The following MAST4 variants were observed in gnomAD, a reference collection of about 807,000 sequenced individuals.
MAST4 encodes the protein microtubule associated serine/threonine kinase family member 4, also known as microtubule-associated serine/threonine-protein kinase 4.
MAST4 carries 89 observed loss-of-function variants against 162.7 expected under a neutral mutation model. That is an observed-to-expected ratio of 0.55 (90% CI 0.46 to 0.65). The LOEUF is 0.65. Ranked by LOEUF, MAST4 falls within the 30% of genes least tolerant of loss-of-function variation. The pLI is 0.00. For synonymous variants in MAST4, 1,479 were observed against 1,361.1 expected (o/e 1.09, Z -1.91); for missense variants, 3,153 against 3,374.0 (o/e 0.93, Z 1.62).
intron 1 of MAST4, among the ~76,000 whole-genome samples, chr5:66,739,015 C>CT (rs899333704): frequency 9.9e-5 from 15 of 150,958 alleles, no homozygotes; most frequent in South Asian, 4.2e-4. Flanking sequence ...TCCTATAGAT[C>CT]TTTTTTTTTG....
chr5:66,878,149 A>C (rs1761430787), intron 3 of MAST4, among the ~76,000 whole-genome samples: 2 of 152,204 alleles, frequency 1.3e-5, no homozygotes, highest in Non-Finnish European at 2.9e-5. Flanking sequence ...ACCTATCATG[A>C]TTGGATCATA....
chr5:66,783,951 G>A (rs1754993525), intron 2 of MAST4, among the ~76,000 whole-genome samples: 1 of 151,994 alleles, frequency 6.6e-6, no homozygotes, highest in South Asian at 2.1e-4. Flanking sequence ...ATTGAGCCAG[G>A]GTCCTAGCTT....
intron 2 of MAST4, among the ~76,000 whole-genome samples, chr5:66,769,197 G>C (rs1446827195): frequency 6.6e-6 from 1 of 152,206 alleles, no homozygotes; most frequent in Non-Finnish European, 1.5e-5. Context: ...AGAAAACAGA[G>C]AGAGGCCTGG....
At chr5:66,916,943 T>G (rs1377915886) in intron 4 of MAST4, 2 of 716,050 alleles carry the variant, frequency 2.8e-6, no homozygotes, top group East Asian at 5.4e-5. Context: ...ACAATTTTTT[T>G]ACCTATATCC....
chr5:66,614,797 C>T (rs1262089168), intron 1 of MAST4, among the ~76,000 whole-genome samples: 1 of 152,160 alleles, frequency 6.6e-6, no homozygotes, highest in Non-Finnish European at 1.5e-5. Flanking sequence ...TCACGGGACA[C>T]ATGCAGGGAG....
chr5:66,712,004 A>AT (rs1177396056), intron 1 of MAST4, among the ~76,000 whole-genome samples: 4 of 152,052 alleles, frequency 2.6e-5, no homozygotes, highest in Non-Finnish European at 5.9e-5. Context: ...TAGGGGGGCC[A>AT]TTTTTCAGAT....
intron 3 of MAST4, among the ~76,000 whole-genome samples, chr5:66,860,615 T>C (rs1412619798): frequency 6.6e-6 from 1 of 151,664 alleles, no homozygotes; most frequent in Non-Finnish European, 1.5e-5. Context: ...TTTCGTTTTT[T>C]TTTTCTGGAG....
chr5:66,730,757 G>GTC (rs1751795447), intron 1 of MAST4, among the ~76,000 whole-genome samples: 2 of 118,494 alleles, frequency 1.7e-5, no homozygotes, highest in South Asian at 6.0e-4. Context: ...TACTCTGTGT[G>GTC]TGTGTGTGTG....
At chr5:66,653,492 G>C (rs1197311475) in intron 1 of MAST4, among the ~76,000 whole-genome samples, 1 of 152,180 alleles carries the variant, frequency 6.6e-6, no homozygotes, top group African/African-American at 2.4e-5. Flanking sequence ...TCCTTTTGAT[G>C]ATGTCAGATG....
At chr5:66,854,209 T>C (rs937887319) in intron 3 of MAST4, among the ~76,000 whole-genome samples, 1 of 152,156 alleles carries the variant, frequency 6.6e-6, no homozygotes, top group Non-Finnish European at 1.5e-5. Flanking sequence ...ACACAGTAGA[T>C]GCTTATTGAA....
At chr5:66,660,105 G>A (rs951912507) in intron 1 of MAST4, among the ~76,000 whole-genome samples, 5 of 152,196 alleles carry the variant, frequency 3.3e-5, no homozygotes, top group South Asian at 2.1e-4. Context: ...TGCTACATGC[G>A]TGGCTGGCCA....
chr5:67,052,612 GAT>G (rs1758327237), intron 4 of MAST4, among the ~76,000 whole-genome samples: 1 of 151,916 alleles, frequency 6.6e-6, no homozygotes, highest in Non-Finnish European at 1.5e-5. Context: ...ATATTTCACT[GAT>G]ATATCTAGTT....
At chr5:67,063,626 CT>C (rs35295218) in intron 5 of MAST4, among the ~76,000 whole-genome samples, 1,894 of 146,686 alleles carry the variant, frequency 0.013, 30 homozygotes, top group African/African-American at 0.04. Context: ...GTGGTAGCAA[CT>C]TTTTTTTTTT....
intron 1 of MAST4, among the ~76,000 whole-genome samples, chr5:66,685,618 T>G (rs981420108): frequency 3.9e-5 from 6 of 152,104 alleles, no homozygotes; most frequent in African/African-American, 7.2e-5. Context: ...AGTAGGTGTT[T>G]CATAGAAACA....
chr5:66,710,322 A>G lies in MAST4; in HGVS notation c.364-49387A>G, dbSNP rs538060880. Among the ~76,000 whole-genome samples, 6 of 152,348 alleles carry G rather than the reference A, an allele frequency of 3.9e-5. No individual in the cohort carries two copies. The East Asian group carries it at 1.2e-3, about 29-fold the overall frequency. The stretch of plus-strand genomic sequence containing the variant: ...CAGTGTCTGTTTTATAATATATATT[A>G]TACCATGTCAAGGTCAGACTATTTA... On this transcript the variant is annotated intron_variant, in intron 1 of 28. Transcript: ENST00000403625.
chr5:66,814,323 G>T (rs1375536809), intron 3 of MAST4, among the ~76,000 whole-genome samples: 1 of 152,112 alleles, frequency 6.6e-6, no homozygotes, highest in East Asian at 1.9e-4. Flanking sequence ...TGGGAGGGAG[G>T]TGATCACTTT....
Position 66,938,591 on chromosome 5 carries a change from C to G in MAST4, c.674+38609C>G, listed in dbSNP as rs577161584. Among the ~76,000 whole-genome samples, 8 of 152,216 alleles carry G rather than the reference C, an allele frequency of 5.3e-5. No individual in the cohort carries two copies. The South Asian group carries it at 1.7e-3, about 32-fold the overall frequency. On this transcript the variant is annotated intron_variant, in intron 4 of 28. Coordinates refer to ENST00000403625, the MANE Select transcript of MAST4 (RefSeq NM_001164664.2). The stretch of plus-strand genomic sequence containing the variant: ...CCCAGGGAAAACCTGGGAACAGGGC[C>G]GAATCTGAGATACACCAAGTTATAC...
intron 4 of MAST4, among the ~76,000 whole-genome samples, chr5:67,050,542 C>G (rs1048210036): frequency 6.6e-6 from 1 of 152,214 alleles, no homozygotes; most frequent in Non-Finnish European, 1.5e-5. Flanking sequence ...TTCTTGTGCT[C>G]TGTGTCTAAG....
At chr5:67,145,068 C>A in intron 22 of MAST4, 76 bp from the exon 23 acceptor site, 2 of 1,298,756 alleles carry the variant, frequency 1.5e-6, no homozygotes, top group Non-Finnish European at 2.2e-6. Context: ...CGATTTTCAC[C>A]TGGTTTCTTC....
Sources: allele counts gnomAD v4.1 joint callset (sites outside exome capture counted in the v4.1 genomes callset), GRCh38; gene constraint gnomAD v4.1.1; transcripts MANE v1.5; gene names NCBI Gene and HGNC (gene_info 2026-07-23, HGNC 2026-07-21).